The following DTD1 variants were observed in gnomAD, a reference collection of about 807,000 sequenced individuals.
DTD1 encodes the protein D-aminoacyl-tRNA deacylase 1.
DTD1 carries 13 observed loss-of-function variants against 25.6 expected under a neutral mutation model. The observed-to-expected ratio is 0.51, with a 90% CI of 0.33 to 0.81. DTD1 has a LOEUF of 0.81. Ranked by LOEUF, DTD1 falls within the 30% of genes least tolerant of loss-of-function variation. DTD1 has a pLI of 0.02. For missense variants in DTD1, 193 were observed against 266.4 expected (o/e 0.72, Z 1.92); for synonymous variants, 110 against 103.6 (o/e 1.06, Z -0.37).
chr20:18,730,660 C>T (rs1055327367), intron 4 of DTD1, among the ~76,000 whole-genome samples: 4 of 152,080 alleles, frequency 2.6e-5, no homozygotes, highest in Non-Finnish European at 5.9e-5. Context: ...ATTATCTTCT[C>T]GTTTGCATTT....
chr20:18,748,174 TAC>T (rs11467996), intron 5 of DTD1, among the ~76,000 whole-genome samples: 82,528 of 150,004 alleles, frequency 0.55, 23,446 homozygotes, highest in Non-Finnish European at 0.62. Flanking sequence ...CTGGCACGCA[TAC>T]ACACACACAC....
At chr20:18,614,133 T>G (rs1396607884) in intron 3 of DTD1, among the ~76,000 whole-genome samples, 2 of 152,052 alleles carry the variant, frequency 1.3e-5, no homozygotes, top group African/African-American at 4.8e-5. Flanking sequence ...TCTCTGAGCC[T>G]CTTCTTCTAT....
At chr20:18,738,462 T>G (rs2061265162) in intron 4 of DTD1, among the ~76,000 whole-genome samples, 9 of 152,226 alleles carry the variant, frequency 5.9e-5, no homozygotes, top group Admixed American at 5.9e-4. Flanking sequence ...CTGGTTCAGC[T>G]GGCTCAACTC....
chr20:18,741,819 CT>C (rs2061279064), intron 4 of DTD1, among the ~76,000 whole-genome samples: 1 of 151,730 alleles, frequency 6.6e-6, no homozygotes, highest in Non-Finnish European at 1.5e-5. Context: ...GCTTGCTGGG[CT>C]CAAGCGATCC....
At chr20:18,621,998 A>T (rs1456575766) in intron 3 of DTD1, among the ~76,000 whole-genome samples, 1 of 151,852 alleles carries the variant, frequency 6.6e-6, no homozygotes, top group Non-Finnish European at 1.5e-5. Context: ...CGGGAGGCGG[A>T]GGTTGCAGTG....
intron 5 of DTD1, among the ~76,000 whole-genome samples, chr20:18,748,171 G>T (rs895923207): frequency 7.2e-5 from 8 of 111,872 alleles, no homozygotes; most frequent in Non-Finnish European, 1.4e-4. Flanking sequence ...ACACTGGCAC[G>T]CATACACACA....
intron 4 of DTD1, among the ~76,000 whole-genome samples, chr20:18,703,578 T>G (rs2061113929): frequency 6.6e-6 from 1 of 152,124 alleles, no homozygotes; most frequent in Admixed American, 6.6e-5. Flanking sequence ...CCATTCTTTT[T>G]CCATTTGTTT....
At chr20:18,748,705 C>G (rs1874169911) in intron 5 of DTD1, among the ~76,000 whole-genome samples, 1 of 152,328 alleles carries the variant, frequency 6.6e-6, no homozygotes, top group South Asian at 2.1e-4. Flanking sequence ...TCCCCAGTGT[C>G]TAAGTTTACG....
chr20:18,742,419 G>C (rs6081349), intron 4 of DTD1, among the ~76,000 whole-genome samples: 36 of 152,298 alleles, frequency 2.4e-4, no homozygotes, highest in African/African-American at 6.3e-4. Context: ...TGGCCTGTTA[G>C]GAACTAGTCT....
intron 4 of DTD1, among the ~76,000 whole-genome samples, chr20:18,677,474 G>A (rs182162809): frequency 6.6e-6 from 1 of 152,110 alleles, no homozygotes; most frequent in Non-Finnish European, 1.5e-5. Flanking sequence ...CTGGGGAGGG[G>A]TGATCAAAAC....
chr20:18,601,381 C>T (rs1461740833), intron 3 of DTD1, among the ~76,000 whole-genome samples: 17 of 151,916 alleles, frequency 1.1e-4, no homozygotes, highest in Non-Finnish European at 1.5e-5. Flanking sequence ...CACCTGTAAT[C>T]CCAGTTACTT....
intron 4 of DTD1, among the ~76,000 whole-genome samples, chr20:18,648,641 A>T (rs1035184661): frequency 1.3e-5 from 2 of 152,102 alleles, no homozygotes; most frequent in African/African-American, 2.4e-5. Flanking sequence ...TCCACTTGTC[A>T]TGGTGCTTCT....
chr20:18,638,514 C>T (rs1219523232), intron 4 of DTD1, among the ~76,000 whole-genome samples: 1 of 152,140 alleles, frequency 6.6e-6, no homozygotes, highest in Non-Finnish European at 1.5e-5. Flanking sequence ...CCAGTGAAGA[C>T]TGAAGGAAGA....
At chr20:18,712,693 A>AC (rs2122480183) in intron 4 of DTD1, among the ~76,000 whole-genome samples, 1 of 151,688 alleles carries the variant, frequency 6.6e-6, no homozygotes, top group South Asian at 2.1e-4. Context: ...TGGAAATAAA[A>AC]CCCCCAAATG....
intron 4 of DTD1, among the ~76,000 whole-genome samples, chr20:18,720,202 T>C (rs1272883342): frequency 6.6e-6 from 1 of 152,198 alleles, no homozygotes; most frequent in Non-Finnish European, 1.5e-5. Context: ...TTTTCAAGAC[T>C]CTAGTGTAAC....
intron 3 of DTD1, among the ~76,000 whole-genome samples, chr20:18,600,013 A>G (rs1017360539): frequency 6.6e-6 from 1 of 152,190 alleles, no homozygotes; most frequent in Non-Finnish European, 1.5e-5. Flanking sequence ...ATTTATCCTT[A>G]TAGGATATTT....
chr20:18,649,357 G>C (rs529237203), intron 4 of DTD1, among the ~76,000 whole-genome samples: 14 of 4,310 alleles, frequency 3.2e-3, no homozygotes, highest in African/African-American at 9.6e-3. Context: ...TTTTTTTTTT[G>C]AGATGGAGTC....
chr20:18,674,437 T>C (rs1430895284), intron 4 of DTD1: 1 of 152,168 alleles, frequency 6.6e-6, no homozygotes, highest in African/African-American at 2.4e-5. Context: ...CAAGAACAAA[T>C]ATCAAAAGGT....
intron 4 of DTD1, among the ~76,000 whole-genome samples, chr20:18,724,111 C>T (rs568588890): frequency 2.6e-5 from 4 of 152,228 alleles, no homozygotes; most frequent in South Asian, 4.1e-4. Flanking sequence ...CTTCCTCTCA[C>T]GTTCATTGGC....
Sources: allele counts gnomAD v4.1 joint callset (sites outside exome capture counted in the v4.1 genomes callset), GRCh38; gene constraint gnomAD v4.1.1; transcripts MANE v1.5; gene names NCBI Gene and HGNC (gene_info 2026-07-23, HGNC 2026-07-21).